UNC5C: variants seen among roughly 807,000 people sequenced by gnomAD.
UNC5C encodes netrin receptor UNC5C.
In UNC5C, 47 loss-of-function variants were observed where a neutral mutation model predicts 99.8. The ratio of observed to expected loss-of-function variants is 0.47; its 90% CI spans 0.37 to 0.60. The LOEUF is 0.60. Ranked by LOEUF, UNC5C falls within the 20% of genes least tolerant of loss-of-function variation. The probability of loss-of-function intolerance (pLI) is 0.00; values close to 1 mark genes in which losing one functional copy is unlikely to be tolerated. For synonymous variants in UNC5C, 487 were observed against 452.2 expected (o/e 1.08, Z -0.98); for missense variants, 1,062 against 1,165.9 (o/e 0.91, Z 1.30).
intron 1 of UNC5C, among the ~76,000 whole-genome samples, chr4:95,365,062 A>C (rs2149436439): frequency 6.6e-6 from 1 of 151,678 alleles, no homozygotes; most frequent in South Asian, 2.1e-4. Context: ...TGGGAGTCCG[A>C]GAAAGGCGGA....
chr4:95,465,769 A>G (rs528925628), intron 1 of UNC5C, among the ~76,000 whole-genome samples: 4 of 152,268 alleles, frequency 2.6e-5, no homozygotes, highest in South Asian at 4.1e-4. Flanking sequence ...AAAAGTTTGG[A>G]TTTGCACATG....
At position 95,326,225 on chromosome 4, in the gene UNC5C, T is replaced by C. The variant is rs545697711; in HGVS notation, c.346+9185A>G. Among the ~76,000 whole-genome samples, 44 of 151,862 alleles carry C rather than the reference T, an allele frequency of 2.9e-4. 2 individuals are homozygous for C. In the South Asian group the frequency reaches 7.7e-3, roughly 27 times the overall value. On this transcript the variant is annotated intron_variant, in intron 2 of 15. Coordinates refer to ENST00000453304, the MANE Select transcript of UNC5C (RefSeq NM_003728.4). ...ATAAGGCCTGGAACTTTTATTTTTG[T>C]TGTGTTGACCTTATTGATATTTTCT...
chr4:95,476,026 A>G (rs1420696698), intron 1 of UNC5C, among the ~76,000 whole-genome samples: 1 of 152,144 alleles, frequency 6.6e-6, no homozygotes, highest in Non-Finnish European at 1.5e-5. Context: ...AATGAAGACC[A>G]TATGATGAAC....
At chr4:95,268,010 C>T (rs990785341) in intron 4 of UNC5C, among the ~76,000 whole-genome samples, 2 of 133,726 alleles carry the variant, frequency 1.5e-5, no homozygotes, top group Admixed American at 8.3e-5. Context: ...AGTGCAGTGG[C>T]GCGATCTCGG....
intron 1 of UNC5C, among the ~76,000 whole-genome samples, chr4:95,496,178 CTGACAGTGTA>C (rs1214891636): frequency 6.6e-6 from 1 of 151,760 alleles, no homozygotes; most frequent in African/African-American, 2.4e-5. Flanking sequence ...GCATCCTGTT[CTGACAGTGTA>C]TATAGTATTT....
At chr4:95,475,237 A>G (rs1748105902) in intron 1 of UNC5C, among the ~76,000 whole-genome samples, 1 of 152,016 alleles carries the variant, frequency 6.6e-6, no homozygotes, top group African/African-American at 2.4e-5. Context: ...GATGAAAACC[A>G]CTGGGGACCC....
intron 1 of UNC5C, among the ~76,000 whole-genome samples, chr4:95,440,580 C>A (rs1183139114): frequency 2.6e-5 from 4 of 152,074 alleles, no homozygotes; most frequent in Middle Eastern, 3.5e-3. Context: ...GCATATATAG[C>A]TAATTTCACT....
chr4:95,520,998 T>G (rs183799228), intron 1 of UNC5C, among the ~76,000 whole-genome samples: 1 of 152,014 alleles, frequency 6.6e-6, no homozygotes, highest in Admixed American at 6.5e-5. Flanking sequence ...CCAAGAAACA[T>G]TGTCTTAAAT....
intron 1 of UNC5C, among the ~76,000 whole-genome samples, chr4:95,483,324 C>A (rs1025782683): frequency 3.3e-5 from 5 of 151,740 alleles, no homozygotes; most frequent in Admixed American, 6.6e-5. Context: ...AAAGTCAGAT[C>A]AGCACTTTTT....
chr4:95,212,194 C>CGA (rs893881491), intron 10 of UNC5C, among the ~76,000 whole-genome samples: 1 of 152,030 alleles, frequency 6.6e-6, no homozygotes, highest in Admixed American at 6.6e-5. Context: ...ACTACTATCT[C>CGA]ACATCTTAAA....
chr4:95,380,564 C>A, intron 1 of UNC5C, among the ~76,000 whole-genome samples: 1 of 151,710 alleles, frequency 6.6e-6, no homozygotes, highest in South Asian at 2.1e-4. Flanking sequence ...GCATAAGCCA[C>A]CACGCTTGGC....
rs776946552 is a variant in UNC5C, at chr4:95,243,598, A to G, written c.944-1005T>C. Among the ~76,000 whole-genome samples the G allele has an allele frequency of 2.0e-4, 30 of 152,208 alleles. 2 individuals carry two copies. Among genetic ancestry groups the G allele is most frequent in the Non-Finnish European group, 4.1e-4 (28 of 68,022 alleles). On this transcript the variant is annotated intron_variant, in intron 6 of 15. Coordinates refer to ENST00000453304, the MANE Select transcript of UNC5C (RefSeq NM_003728.4). ...TAACCTTTTATATCTACATATTAGT[A>G]AAAATTATATCATTTTAATAGTCTA...
chr4:95,412,859 AG>A (rs1746039140), intron 1 of UNC5C, among the ~76,000 whole-genome samples: 1 of 152,164 alleles, frequency 6.6e-6, no homozygotes, highest in Non-Finnish European at 1.5e-5. Flanking sequence ...AGGTAGCAAA[AG>A]GGTGAGGCTG....
rs776591203 is a variant in UNC5C, at chr4:95,170,208, G to A, written c.2576C>T (p.Pro859Leu). 2 of 1,614,146 alleles carry A rather than the reference G, an allele frequency of 1.2e-6. No individual in the cohort carries two copies. The highest frequency in any genetic ancestry group is 1.7e-6 in the Non-Finnish European group (2 of 1,180,022). Residue 859 changes from proline (P) to leucine (L), a missense_variant, in exon 15 of 16, where the codon CCC (proline) becomes CTC (leucine). Physicochemically the swap from Pro to Leu is moderately conservative, Grantham distance 98 (BLOSUM62 -3). Around this residue, in one of 3 missense-constraint regions of UNC5C, gnomAD observed 810 missense variants for 854.5 expected, o/e 0.95. Coordinates refer to ENST00000453304, the MANE Select transcript of UNC5C (RefSeq NM_003728.4). The stretch of plus-strand genomic sequence containing the variant: ...CCTCCAGTCATGGCCTCTCGTCTGG[G>A]GGGCATCCAGGCTGCTACAGAGCTT... ...RQKLCSSLDA[P>L]QTRGHDWRML...
chr4:95,337,651 C>T (rs147154198), intron 1 of UNC5C, among the ~76,000 whole-genome samples: 47 of 151,968 alleles, frequency 3.1e-4, no homozygotes, highest in African/African-American at 1.1e-3. Context: ...CTTTGTATTT[C>T]CTTAATTTTG....
chr4:95,425,171 G>A (rs1746441537), intron 1 of UNC5C, among the ~76,000 whole-genome samples: 1 of 152,154 alleles, frequency 6.6e-6, no homozygotes, highest in Admixed American at 6.5e-5. Context: ...ACCAAATACA[G>A]GATCCCTTCC....
At chr4:95,499,581 T>C (rs1166216799) in intron 1 of UNC5C, among the ~76,000 whole-genome samples, 1 of 152,060 alleles carries the variant, frequency 6.6e-6, no homozygotes, top group Non-Finnish European at 1.5e-5. Flanking sequence ...TTTCAAATAA[T>C]GGATTTACTT....
At chr4:95,340,941 G>A (rs1027768963) in intron 1 of UNC5C, among the ~76,000 whole-genome samples, 3 of 152,054 alleles carry the variant, frequency 2.0e-5, no homozygotes, top group Non-Finnish European at 2.9e-5. Context: ...TTTAATAAAT[G>A]CAATGTGATG....
At chr4:95,205,152 G>A (rs1737827674) in intron 11 of UNC5C, among the ~76,000 whole-genome samples, 1 of 152,084 alleles carries the variant, frequency 6.6e-6, no homozygotes. Context: ...AGTACAAGGG[G>A]GCTTTCATGA....
Sources: gnomAD v4.1 joint callset for allele counts (sites outside exome capture counted in the v4.1 genomes callset) on GRCh38, gnomAD v4.1.1 for gene constraint, gnomAD v4.1.1 regional missense constraint, MANE v1.5 for transcripts, NCBI Gene and HGNC (gene_info 2026-07-23, HGNC 2026-07-21) for gene names.